AOC3: variants seen among roughly 807,000 people sequenced by gnomAD.
The protein encoded by AOC3 is amine oxidase copper containing 3.
AOC3 carries 47 observed loss-of-function variants against 55.4 expected under a neutral mutation model. The ratio of observed to expected loss-of-function variants is 0.85; its 90% confidence interval spans 0.67 to 1.08. The LOEUF is 1.08. AOC3 is among the 50% of genes least tolerant of loss of function. The pLI is 0.00. For missense variants in AOC3, 853 were observed against 993.1 expected (o/e 0.86, Z 1.90); for synonymous variants, 386 against 410.7 (o/e 0.94, Z 0.73).
chr17:42,856,347 G>T lies in AOC3; in HGVS notation c.2089G>T (p.Val697Leu). The change falls in exon 4 of 4, where the codon GTG becomes TTG. Residue 697 changes from valine (V) to leucine (L), a missense_variant. By Grantham distance (32) the Val-to-Leu change is conservative. Transcript: ENST00000308423. ...HAEDIPNTVT[V>L]GNGVGFFLRP... is the part of the protein sequence containing the mutation. Reference sequence around the variant, plus strand: ...AGAGGACATTCCTAACACAGTGACTGTGGGGAACGGCGTGGGCTTCTTCCT... The same window carrying T: ...AGAGGACATTCCTAACACAGTGACTTTGGGGAACGGCGTGGGCTTCTTCCT... 2 of 1,614,182 alleles carry T rather than the reference G, an allele frequency of 1.2e-6. No individual in the cohort carries two copies.
At position 42,856,491 on chromosome 17, in the gene AOC3, G is replaced by C. The variant is rs2055751467; in HGVS notation, c.2233G>C (p.Ala745Pro). 1 of 1,611,062 alleles carries C rather than the reference G, an allele frequency of 6.2e-7. No individual in the cohort carries two copies. The highest frequency in any genetic ancestry group is 1.7e-5 in the Admixed American group (1 of 59,734). The change falls in exon 4 of 4, where the codon GCT becomes CCT. Residue 745 changes from alanine to proline, a missense_variant. Ala to Pro is a conservative substitution (Grantham distance 27). Transcript: ENST00000308423. ...CAACCCCCTAGCTTGCCTGCCCCAG[G>C]CTGCTGCCTGTGCCCCCGACCTCCC... The part of the protein sequence containing the change: ...EVNPLACLPQ[A>P]AACAPDLPAF...
rs1221775800 is a variant in AOC3 at position 42,857,623 on chromosome 17, G to GGGGCCTGGCCTGGGTGGGGCA, written c.*1087_*1107dup. 1.3e-5 allele frequency: 2 copies of GGGGCCTGGCCTGGGTGGGGCA among 152,360 alleles called. No individual in the cohort carries two copies. Among genetic ancestry groups the GGGGCCTGGCCTGGGTGGGGCA allele is most frequent in the African/African-American group, 2.4e-5 (1 of 41,432 alleles). 9.4% of individuals were successfully genotyped at this position (152,360 alleles called of 1,614,324 possible). A position where few individuals can be genotyped will look rare whatever the true frequency, so the allele number is the denominator to read the frequency against. ...AGGTGGGGGTCTGGCCTAGTGGGGA[G>GGGGCCTGGCCTGGGTGGGGCA]GGGCCTGGCCTGGGTGGGGCAGGGC... On this transcript the variant is annotated 3_prime_UTR_variant, in exon 4 of 4. Transcript: ENST00000308423.
Position 42,855,475 on chromosome 17 carries a change from G to T in AOC3, c.1918G>T (p.Glu640Ter). 1.9e-6 allele frequency: 3 copies of T among 1,610,698 alleles called. No homozygotes were observed. The highest frequency in any genetic ancestry group is 2.5e-6 in the Non-Finnish European group (3 of 1,178,674). The part of the protein sequence containing the change: ...YQLAVTQRKE[E>*]EPSSSSVFNQ... Reference sequence around the variant, plus strand: ...GCTGGCTGTGACCCAGCGGAAGGAGGAGGAGCCCAGTAGCAGCAGCGTTTT... The same window carrying T: ...GCTGGCTGTGACCCAGCGGAAGGAGTAGGAGCCCAGTAGCAGCAGCGTTTT... The change falls in exon 3 of 4, where the codon GAG becomes TAG. Residue 640 changes from glutamate (E) to a stop codon, truncating the protein, a stop_gained. Coordinates refer to ENST00000308423, the MANE Select transcript of AOC3 (RefSeq NM_003734.4). LOFTEE classifies it high-confidence loss of function.
rs754866671 is a variant in AOC3, at chr17:42,856,267, C to G, written c.2017-8C>G. On this transcript the variant is annotated splice_polypyrimidine_tract_variant and splice_region_variant and intron_variant, in intron 3 of 3. Transcript: ENST00000308423. ...GACCTCGTGATCCTCTTTCTTCTCC[C>G]CTGCTAGGATTTGGTGGCCTGGGTG... is the stretch of plus-strand genomic sequence containing the variant. 1.9e-6 allele frequency: 3 copies of G among 1,613,286 alleles called. No homozygotes were observed. The highest frequency in any genetic ancestry group is 2.2e-5 in the South Asian group (2 of 91,028).
chr17:42,858,050 AC>A lies in AOC3; in HGVS notation c.*1503del, dbSNP rs2055773352. Reference sequence around the variant, plus strand: ...GAGAGGGAAGGGTCTTAACACTTACACCCTTTTGTACATTTTGAATTTTGAA... The same window carrying A: ...GAGAGGGAAGGGTCTTAACACTTACACCTTTTGTACATTTTGAATTTTGAA... On this transcript the variant is annotated 3_prime_UTR_variant, in exon 4 of 4. Transcript: ENST00000308423. The A allele has an allele frequency of 1.3e-5, 2 of 152,236 alleles. No homozygotes were observed. The highest frequency in any genetic ancestry group is 4.2e-4 in the South Asian group (2 of 4,818). 9.4% of individuals were successfully genotyped at this position (152,236 alleles called of 1,614,324 possible).
Position 42,852,654 on chromosome 17 carries a change from C to T in AOC3, c.1311C>T (p.Gly437=), listed in dbSNP as rs146228333. 5 of 1,614,026 alleles carry T rather than the reference C, an allele frequency of 3.1e-6. No individual in the cohort carries two copies. In the African/African-American group the frequency reaches 5.3e-5, roughly 17 times the overall value. The change falls in exon 1 of 4, where the codon GGC becomes GGT. Residue 437 remains glycine (G), a synonymous_variant. Coordinates refer to ENST00000308423, the MANE Select transcript of AOC3 (RefSeq NM_003734.4). ...DAFCVFEQNQ[G]LPLRRHHSDL... ...TTTGTGTGTTTGAACAGAACCAGGG[C>T]CTCCCCCTGCGGCGACACCACTCAG...
chr17:42,853,195 G>A (rs1038734122), intron 1 of AOC3: 7 of 1,345,218 alleles, frequency 5.2e-6, no homozygotes, highest in Non-Finnish European at 6.7e-6. Context: ...CAGGGAGGAG[G>A]CAGGATTTGG....
rs945666792 is a variant in AOC3, at chr17:42,852,879, A to G, written c.1536A>G (p.Ser512=). The change falls in exon 1 of 4, where the codon TCA becomes TCG. Residue 512 remains serine, a synonymous_variant. Coordinates refer to ENST00000308423, the MANE Select transcript of AOC3 (RefSeq NM_003734.4). ...CTGGGAAGTACGGGAACCAAGTGTC[A>G]GAGCACACCCTGGGCACGGTCCACA... ...GATGKYGNQV[S]EHTLGTVHTH... is the part of the protein sequence containing the mutation. 6.8e-6 allele frequency: 11 copies of G among 1,613,002 alleles called. No individual in the cohort carries two copies. Among genetic ancestry groups the G allele is most frequent in the Admixed American group, 3.3e-5 (2 of 60,006 alleles).
rs886798712 is a variant in AOC3 at position 42,857,419 on chromosome 17, G to A, written c.*869G>A. The A allele has an allele frequency of 2.0e-5, 3 of 152,380 alleles. No individual in the cohort carries two copies. Among genetic ancestry groups the A allele is most frequent in the African/African-American group, 7.2e-5 (3 of 41,452 alleles). The allele number at this position is 152,380 out of a possible 1,614,324, so 9.4% of individuals were successfully genotyped here. ...AGTGATTTGGGGGTGCAATGATAATGAAGAATGGCCATTTTGTACCAGGGC... is the reference window on the plus strand; with the variant it reads ...AGTGATTTGGGGGTGCAATGATAATAAAGAATGGCCATTTTGTACCAGGGC... On this transcript the variant is annotated 3_prime_UTR_variant, in exon 4 of 4. Coordinates refer to ENST00000308423, the MANE Select transcript of AOC3 (RefSeq NM_003734.4).
At chr17:42,854,856 T>C in intron 2 of AOC3, 123 bp downstream of exon 2, 1 of 1,044,534 alleles carries the variant, frequency 9.6e-7, no homozygotes, top group African/African-American at 1.7e-5. Flanking sequence ...TTTTCCTTTT[T>C]TTTTTTTTTT....
rs1275860539 is a variant in AOC3, at chr17:42,854,652, G to A, written c.1805G>A (p.Gly602Asp). ...AGCAACAAGTGGGGTCACCCCCGGG[G>A]CTACCGCATCCAGATGCTCAGCTTT... ...NHSNKWGHPRGYRIQMLSFAG... is the reference protein window; with the variant it reads ...NHSNKWGHPRDYRIQMLSFAG... The change falls in exon 2 of 4, where the codon GGC (glycine) becomes GAC (aspartate). Residue 602 changes from glycine (G) to aspartate (D), a missense_variant. Coordinates refer to ENST00000308423, the MANE Select transcript of AOC3 (RefSeq NM_003734.4). 6.4e-7 allele frequency: 1 copy of A among 1,550,646 alleles called. No homozygotes were observed. The highest frequency in any genetic ancestry group is 8.7e-7 in the Non-Finnish European group (1 of 1,143,638).
At position 42,858,081 on chromosome 17, in the gene AOC3, G is replaced by A. The variant is rs928196944; in HGVS notation, c.*1531G>A. The A allele has an allele frequency of 2.6e-5, 4 of 151,964 alleles. No individual in the cohort carries two copies. The highest frequency in any genetic ancestry group is 5.9e-5 in the Non-Finnish European group (4 of 67,994). 9.4% of individuals were successfully genotyped at this position (151,964 alleles called of 1,614,324 possible). ...TTGTACATTTTGAATTTTGAACCAT[G>A]TGACTGTATTACCTATTCAAAATAA... is the stretch of plus-strand genomic sequence containing the variant. On this transcript the variant is annotated 3_prime_UTR_variant, in exon 4 of 4. Coordinates refer to ENST00000308423, the MANE Select transcript of AOC3 (RefSeq NM_003734.4).
intron 1 of AOC3, 107 bp downstream of exon 1, chr17:42,853,050 T>C: frequency 1.4e-6 from 2 of 1,412,866 alleles, no homozygotes; most frequent in Non-Finnish European, 1.9e-6. Context: ...ACGTGGATTT[T>C]TGTACTTCCC....
Position 42,853,397 on chromosome 17 carries a change from A to T in AOC3, c.1600+454A>T, listed in dbSNP as rs546222201. ...ATTCCAGGTTGTACATTTCCTTTGGAGATGGACCCTCCTCCCTGATTTTCC... is the reference window on the plus strand; with the variant it reads ...ATTCCAGGTTGTACATTTCCTTTGGTGATGGACCCTCCTCCCTGATTTTCC... On this transcript the variant is annotated intron_variant, in intron 1 of 3. Coordinates refer to ENST00000308423, the MANE Select transcript of AOC3 (RefSeq NM_003734.4). 4.6e-5 allele frequency: 46 copies of T among 996,966 alleles called. No homozygotes were observed. The East Asian group carries it at 6.3e-4, about 14-fold the overall frequency. The allele number at this position is 996,966 out of a possible 1,614,324, so 61.8% of individuals were successfully genotyped here.
chr17:42,851,235 A>C lies in AOC3; in HGVS notation c.-109A>C. 1 of 1,275,826 alleles carries C rather than the reference A, an allele frequency of 7.8e-7. No individual in the cohort carries two copies. 79.0% of individuals were successfully genotyped at this position (1,275,826 alleles called of 1,614,324 possible). ...TCTGACTACCGGGAACCTCAGCCAGAGTCCGGGAGCCCCCCACCCCGTCCA... is the reference window on the plus strand; with the variant it reads ...TCTGACTACCGGGAACCTCAGCCAGCGTCCGGGAGCCCCCCACCCCGTCCA... On this transcript the variant is annotated 5_prime_UTR_variant, in exon 1 of 4. Coordinates refer to ENST00000308423, the MANE Select transcript of AOC3 (RefSeq NM_003734.4).
At position 42,855,489 on chromosome 17, in the gene AOC3, C is replaced by T. The variant is rs377498381; in HGVS notation, c.1932C>T (p.Ser644=). The T allele has an allele frequency of 4.8e-5, 78 of 1,612,458 alleles. No homozygotes were observed. Among genetic ancestry groups the T allele is most frequent in the Non-Finnish European group, 6.5e-5 (77 of 1,179,488 alleles). ...VTQRKEEEPS[S]SSVFNQNDPW... Reference sequence around the variant, plus strand: ...AGCGGAAGGAGGAGGAGCCCAGTAGCAGCAGCGTTTTCAATCAGAATGACC... The same window carrying T: ...AGCGGAAGGAGGAGGAGCCCAGTAGTAGCAGCGTTTTCAATCAGAATGACC... The change falls in exon 3 of 4, where the codon AGC becomes AGT. Residue 644 remains serine (S), a synonymous_variant. Coordinates refer to ENST00000308423, the MANE Select transcript of AOC3 (RefSeq NM_003734.4).
intron 1 of AOC3, chr17:42,853,514 G>A (rs2055704483): frequency 1.7e-6 from 1 of 572,856 alleles, no homozygotes. Flanking sequence ...GTCACAGAGA[G>A]AGCCAAGGCT....
Position 42,852,858 on chromosome 17 carries a change from G to T in AOC3, c.1515G>T (p.Gly505=), listed in dbSNP as rs766050507. The T allele has an allele frequency of 6.2e-7, 1 of 1,613,766 alleles. No homozygotes were observed. Among genetic ancestry groups the T allele is most frequent in the East Asian group, 2.2e-5 (1 of 44,842 alleles). Residue 505 remains glycine, a synonymous_variant, in exon 1 of 4, where the codon GGG becomes GGT. Coordinates refer to ENST00000308423, the MANE Select transcript of AOC3 (RefSeq NM_003734.4). ...ISSAFLFGAT[G]KYGNQVSEHT... ...CGGCATTCCTCTTTGGTGCTACTGG[G>T]AAGTACGGGAACCAAGTGTCAGAGC...
Position 42,856,318 on chromosome 17 carries a change from A to G in AOC3, c.2060A>G (p.His687Arg). 2 of 1,614,182 alleles carry G rather than the reference A, an allele frequency of 1.2e-6. No homozygotes were observed. The highest frequency in any genetic ancestry group is 1.7e-6 in the Non-Finnish European group (2 of 1,180,022). ...WVTAGFLHIP[H>R]AEDIPNTVTV... ...ACAGCTGGTTTTCTGCATATCCCACATGCAGAGGACATTCCTAACACAGTG... is the reference window on the plus strand; with the variant it reads ...ACAGCTGGTTTTCTGCATATCCCACGTGCAGAGGACATTCCTAACACAGTG... Residue 687 changes from histidine (H) to arginine (R), a missense_variant, in exon 4 of 4, where the codon CAT becomes CGT. His to Arg is a conservative substitution (Grantham distance 29). Transcript: ENST00000308423.
Sources: allele counts gnomAD v4.1 joint callset, GRCh38; gene constraint gnomAD v4.1.1; transcripts MANE v1.5; gene names NCBI Gene and HGNC (gene_info 2026-07-23, HGNC 2026-07-21).